The following PRKAR1A variants were observed in gnomAD, a reference collection of about 807,000 sequenced individuals.
PRKAR1A encodes cAMP-dependent protein kinase type I-alpha regulatory subunit.
PRKAR1A carries 3 observed loss-of-function variants against 52.0 expected under a neutral mutation model. The observed-to-expected ratio is 0.06, with a 90% CI of 0.03 to 0.15. PRKAR1A has a LOEUF of 0.15. Among genes scored for constraint, PRKAR1A ranks in the 10% least tolerant of loss-of-function variants. The pLI is 1.00. For synonymous variants in PRKAR1A, 188 were observed against 168.4 expected, an observed-to-expected ratio of 1.12 and a Z score of -0.90; for missense variants, 240 against 477.4, an observed-to-expected ratio of 0.50 and a Z score of 4.63.
At chr17:68,480,332 G>A in the PRKAR1A span, among the ~76,000 whole-genome samples, 4 of 152,160 alleles carry the variant, frequency 2.6e-5, no homozygotes. Flanking sequence ...TGTGGCCTGA[G>A]TTATGGGAAG....
the PRKAR1A span, among the ~76,000 whole-genome samples, chr17:68,462,592 A>G: frequency 6.6e-6 from 1 of 152,204 alleles, no homozygotes. Flanking sequence ...CCCATCAGGC[A>G]GCTGCATATG....
downstream of PRKAR1A, chr17:68,537,783 A>G (rs781046485): frequency 6.3e-7 from 1 of 1,581,450 alleles, no homozygotes; most frequent in Non-Finnish European, 8.6e-7. This position sits in a 1 kb window ranked among gnomAD's most constrained non-coding sequence, Gnocchi z 4.2. Context: ...GCAAATGTAA[A>G]GAAAATAACT....
chr17:68,489,423 G>GTA, the PRKAR1A span, among the ~76,000 whole-genome samples: 122 of 80,184 alleles, frequency 1.5e-3, 4 homozygotes, highest in African/African-American at 4.9e-3. Flanking sequence ...TATATGGAAA[G>GTA]TATATATATA....
chr17:68,539,308 C>T (rs890901752), intron 11 of PRKAR1A: 4 of 1,612,604 alleles, frequency 2.5e-6, no homozygotes, highest in Admixed American at 3.3e-5. Context: ...CTGTTACTTG[C>T]CCGTATTATC....
chr17:68,457,527 ACCCCGCCCCGT>A, the PRKAR1A span: 2 of 275,880 alleles, frequency 7.2e-6, no homozygotes, highest in Non-Finnish European at 8.9e-6. Flanking sequence ...CCCCGCCCCT[ACCCCGCCCCGT>A]CCCCACCCCG....
the PRKAR1A span, among the ~76,000 whole-genome samples, chr17:68,428,087 G>A: frequency 6.6e-6 from 1 of 151,788 alleles, no homozygotes; most frequent in African/African-American, 2.4e-5. Flanking sequence ...TTGTAAGGAT[G>A]GGGTTTCACC....
At chr17:68,420,434 CA>C in the PRKAR1A span, 8 of 1,614,086 alleles carry the variant, frequency 5.0e-6, no homozygotes, top group Admixed American at 3.3e-5. Context: ...TAATCCCTAC[CA>C]AATTGCCTGC....
chr17:68,513,615 T>G (rs2085340473), intron 1 of PRKAR1A, among the ~76,000 whole-genome samples: 1 of 152,208 alleles, frequency 6.6e-6, no homozygotes, highest in Non-Finnish European at 1.5e-5. Flanking sequence ...AAGGCTAGGT[T>G]GTTGGGCTTT....
chr17:68,522,022 T>C (rs2085627236), intron 2 of PRKAR1A, among the ~76,000 whole-genome samples: 2 of 152,230 alleles, frequency 1.3e-5, no homozygotes, highest in Admixed American at 6.5e-5. Flanking sequence ...GTAAACTCTT[T>C]TTGTCTTTTA....
chr17:68,545,006 A>T (rs2086482502), intron 11 of PRKAR1A, among the ~76,000 whole-genome samples: 1 of 152,240 alleles, frequency 6.6e-6, no homozygotes, highest in African/African-American at 2.4e-5. Flanking sequence ...ATTACATTTT[A>T]AAAATATAAA....
the PRKAR1A span, among the ~76,000 whole-genome samples, chr17:68,477,812 T>A: frequency 6.6e-6 from 1 of 151,936 alleles, no homozygotes; most frequent in East Asian, 1.9e-4. Context: ...AACCTCCACC[T>A]CCCGGGTTCA....
chr17:68,486,961 C>T, the PRKAR1A span, among the ~76,000 whole-genome samples: 2 of 151,942 alleles, frequency 1.3e-5, no homozygotes, highest in East Asian at 3.9e-4. Context: ...GCAACCTCCG[C>T]CTCCCAGGTT....
chr17:68,513,873 A>G (rs1332589792), intron 1 of PRKAR1A, among the ~76,000 whole-genome samples: 1 of 152,178 alleles, frequency 6.6e-6, no homozygotes, highest in Non-Finnish European at 1.5e-5. Flanking sequence ...TCTTAGAATG[A>G]TTGATCATTT....
chr17:68,510,457 G>A (rs779714260), upstream of PRKAR1A, among the ~76,000 whole-genome samples: 3 of 152,274 alleles, frequency 2.0e-5, no homozygotes, highest in Admixed American at 6.5e-5. Flanking sequence ...ACAAAGTCCT[G>A]TTCATCCTTT....
intron 1 of PRKAR1A, among the ~76,000 whole-genome samples, chr17:68,514,083 G>C (rs2085354908): frequency 1.3e-5 from 2 of 152,100 alleles, no homozygotes; most frequent in African/African-American, 4.8e-5. Flanking sequence ...TGTTTTGCCT[G>C]TTTAAAGTAG....
chr17:68,446,305 C>T, the PRKAR1A span, among the ~76,000 whole-genome samples: 2 of 152,134 alleles, frequency 1.3e-5, no homozygotes, highest in South Asian at 2.1e-4. Flanking sequence ...CCCAGCCTCT[C>T]GGGTGGCAGG....
chr17:68,457,305 C>T, the PRKAR1A span: 7 of 1,538,042 alleles, frequency 4.6e-6, no homozygotes, highest in South Asian at 6.0e-5. Flanking sequence ...GACACTCTGT[C>T]CCCCACCTCC....
At chr17:68,510,197 T>G (rs903779510), upstream of PRKAR1A, among the ~76,000 whole-genome samples, 14 of 72,868 alleles carry the variant, frequency 1.9e-4, no homozygotes, top group Non-Finnish European at 3.5e-4. Context: ...GAGAGAGAGA[T>G]CTATCTATTC....
At chr17:68,444,510 A>C in the PRKAR1A span, 1 of 1,613,900 alleles carries the variant, frequency 6.2e-7, no homozygotes, top group Non-Finnish European at 8.5e-7. Context: ...GTTTGCAGGA[A>C]TATCCAGGAG....
Sources: gnomAD v4.1 joint callset for allele counts (sites outside exome capture counted in the v4.1 genomes callset) on GRCh38, gnomAD v4.1.1 for gene constraint, Gnocchi (gnomAD v3.1) non-coding constraint, MANE v1.5 for transcripts, NCBI Gene and HGNC (gene_info 2026-07-23, HGNC 2026-07-21) for gene names.